Variants in SNTG1 observed in about 807,000 individuals in gnomAD.
SNTG1 encodes the protein gamma-1-syntrophin.
A neutral mutation model predicts 74.7 loss-of-function variants in SNTG1; 39 were observed. The observed-to-expected ratio is 0.52, with a 90% CI of 0.40 to 0.68. The LOEUF (loss-of-function observed/expected upper bound fraction) is 0.68. Ranked by LOEUF, SNTG1 falls within the 30% of genes least tolerant of loss-of-function variation. The pLI is 0.00. For synonymous variants in SNTG1, 254 were observed against 217.1 expected (o/e 1.17, Z -1.49); for missense variants, 685 against 609.5 (o/e 1.12, Z -1.30).
intron 10 of SNTG1, among the ~76,000 whole-genome samples, chr8:50,532,485 G>C (rs1411795887): frequency 1.3e-5 from 2 of 152,208 alleles, no homozygotes; most frequent in East Asian, 3.9e-4. Context: ...CAGAGATAAA[G>C]AGTTGTAGAG....
At chr8:50,649,749 G>A (rs1013973651) in intron 13 of SNTG1, among the ~76,000 whole-genome samples, 3 of 151,742 alleles carry the variant, frequency 2.0e-5, no homozygotes, top group African/African-American at 4.8e-5. Context: ...CTTTTCTACT[G>A]GCTCGTCTTT....
intron 4 of SNTG1, among the ~76,000 whole-genome samples, chr8:50,436,834 C>T (rs2093308727): frequency 6.6e-6 from 1 of 152,048 alleles, no homozygotes; most frequent in African/African-American, 2.4e-5. Context: ...ACTTATAATG[C>T]ACATGTTTAA....
intron 11 of SNTG1, among the ~76,000 whole-genome samples, chr8:50,550,063 C>T (rs531343061): frequency 1.3e-5 from 2 of 152,122 alleles, no homozygotes. Context: ...AACTAAGTTG[C>T]TTCATCTTCA....
At chr8:50,669,992 C>T (rs1411189905) in intron 15 of SNTG1, among the ~76,000 whole-genome samples, 27 of 152,168 alleles carry the variant, frequency 1.8e-4, no homozygotes, top group Non-Finnish European at 2.9e-4. Flanking sequence ...AATTCAACAA[C>T]GTTTCATGCT....
At chr8:49,978,333 G>C (rs1812376027) in intron 1 of SNTG1, among the ~76,000 whole-genome samples, 1 of 152,126 alleles carries the variant, frequency 6.6e-6, no homozygotes, top group Non-Finnish European at 1.5e-5. Flanking sequence ...AGAATGGAAT[G>C]AGTTAGTCAG....
At chr8:49,986,159 G>T (rs1463930050) in intron 1 of SNTG1, among the ~76,000 whole-genome samples, 2 of 152,080 alleles carry the variant, frequency 1.3e-5, no homozygotes, top group African/African-American at 4.8e-5. Context: ...TGGCATTAGG[G>T]TAATGTATAA....
chr8:50,441,930 A>G (rs1385356257), intron 5 of SNTG1, among the ~76,000 whole-genome samples: 2 of 152,236 alleles, frequency 1.3e-5, no homozygotes, highest in Non-Finnish European at 2.9e-5. Flanking sequence ...ATGTTTTACC[A>G]TTAAAAGGTA....
At chr8:50,690,741 A>C (rs1269869168) in intron 15 of SNTG1, among the ~76,000 whole-genome samples, 1 of 152,138 alleles carries the variant, frequency 6.6e-6, no homozygotes, top group African/African-American at 2.4e-5. Flanking sequence ...TGGTGTGGCA[A>C]GTTCTGCAGA....
intron 4 of SNTG1, among the ~76,000 whole-genome samples, chr8:50,407,595 C>T (rs2092895483): frequency 6.6e-6 from 1 of 152,218 alleles, no homozygotes; most frequent in Non-Finnish European, 1.5e-5. Context: ...CTTTGCCTGA[C>T]ACTTTTGACC....
At chr8:49,970,085 T>A (rs1023279881) in intron 1 of SNTG1, among the ~76,000 whole-genome samples, 8 of 152,144 alleles carry the variant, frequency 5.3e-5, no homozygotes, top group Non-Finnish European at 8.8e-5. Context: ...GAGAATAGGA[T>A]TGGCGTAAAG....
At chr8:50,095,914 A>G in intron 1 of SNTG1, among the ~76,000 whole-genome samples, 1 of 152,106 alleles carries the variant, frequency 6.6e-6, no homozygotes. Context: ...CTAAAATATG[A>G]AATTATTTTG....
At chr8:50,734,952 T>TAC (rs2095524191) in intron 17 of SNTG1, among the ~76,000 whole-genome samples, 1 of 60,786 alleles carries the variant, frequency 1.6e-5, no homozygotes, top group African/African-American at 1.5e-4. Flanking sequence ...TATGGACATA[T>TAC]ATATCTATAT....
At chr8:50,054,403 T>C (rs1253498632) in intron 1 of SNTG1, among the ~76,000 whole-genome samples, 1 of 152,118 alleles carries the variant, frequency 6.6e-6, no homozygotes, top group Non-Finnish European at 1.5e-5. Flanking sequence ...AATTATCTCC[T>C]TACCCACTAC....
intron 10 of SNTG1, 149 bp downstream of exon 10, chr8:50,530,408 T>C: frequency 6.2e-6 from 5 of 809,776 alleles, no homozygotes; most frequent in Non-Finnish European, 9.6e-6. Flanking sequence ...GCAAAATAAA[T>C]AGATCAGGTT....
chr8:50,520,663 A>G (rs1490149919), intron 9 of SNTG1, among the ~76,000 whole-genome samples: 6 of 152,370 alleles, frequency 3.9e-5, no homozygotes, highest in Non-Finnish European at 7.3e-5. Flanking sequence ...CAACAGACAC[A>G]TGAAAAAATA....
intron 1 of SNTG1, among the ~76,000 whole-genome samples, chr8:50,161,806 T>G (rs2082426629): frequency 6.6e-6 from 1 of 152,108 alleles, no homozygotes; most frequent in Admixed American, 6.5e-5. Context: ...ACATCCTGGA[T>G]AGCAGCAATA....
intron 18 of SNTG1, chr8:50,762,710 C>G (rs2095602523): frequency 8.3e-6 from 4 of 483,102 alleles, no homozygotes; most frequent in Non-Finnish European, 1.3e-5. Context: ...GAGATTAGGC[C>G]CAGTCTTGTG....
rs2090884053 is a variant in SNTG1, at chr8:50,329,622, A to G, written c.-27-64590A>G. 3.3e-5 allele frequency among the ~76,000 whole-genome samples: 5 copies of G among 152,196 alleles called. No homozygotes were observed. The South Asian group carries it at 1.0e-3, about 32-fold the overall frequency. On this transcript the variant is annotated intron_variant, in intron 2 of 18. Transcript: ENST00000642720. Reference sequence around the variant, plus strand: ...GGCACGAGATCCCAAGGCTACACACAGCAGCCAGGTCCTGGGCCTGGTCCA... The same window carrying G: ...GGCACGAGATCCCAAGGCTACACACGGCAGCCAGGTCCTGGGCCTGGTCCA...
intron 1 of SNTG1, among the ~76,000 whole-genome samples, chr8:49,986,292 A>G (rs1462319169): frequency 6.6e-6 from 1 of 152,166 alleles, no homozygotes; most frequent in Non-Finnish European, 1.5e-5. Flanking sequence ...TAATTGGGTC[A>G]CTGTTCTTCA....
Sources: gnomAD v4.1 joint callset for allele counts (sites outside exome capture counted in the v4.1 genomes callset) on GRCh38, gnomAD v4.1.1 for gene constraint, MANE v1.5 for transcripts, NCBI Gene and HGNC (gene_info 2026-07-23, HGNC 2026-07-21) for gene names.